TOMM40: variants seen among roughly 807,000 people sequenced by gnomAD.
TOMM40 encodes translocase of outer mitochondrial membrane 40.
A neutral mutation model predicts 38.4 loss-of-function variants in TOMM40; 9 were observed. That is an observed-to-expected ratio of 0.23 (90% CI 0.14 to 0.41). The LOEUF (loss-of-function observed/expected upper bound fraction) is 0.41. Ranked by LOEUF, TOMM40 falls within the 10% of genes least tolerant of loss-of-function variation. The pLI is 1.00. For missense variants in TOMM40, 299 were observed against 486.5 expected, an observed-to-expected ratio of 0.61 and a Z score of 3.63; for synonymous variants, 184 against 210.0, an observed-to-expected ratio of 0.88 and a Z score of 1.07.
intron 8 of TOMM40, 143 bp downstream of exon 8, chr19:44,901,453 G>A: frequency 6.8e-7 from 1 of 1,479,908 alleles, no homozygotes; most frequent in Non-Finnish European, 9.0e-7. Context: ...TTGTTAAAAG[G>A]TAGGTGGGGC....
intron 2 of TOMM40, 141 bp from the exon 3 acceptor site, chr19:44,892,696 G>A (rs889558546): frequency 2.5e-6 from 2 of 791,816 alleles, no homozygotes; most frequent in African/African-American, 1.7e-5. Flanking sequence ...CCTACCGGCA[G>A]CACCTCCTTT....
chr19:44,900,182 C>T (rs949158211), intron 5 of TOMM40, among the ~76,000 whole-genome samples: 6 of 152,278 alleles, frequency 3.9e-5, no homozygotes, highest in African/African-American at 1.2e-4. Flanking sequence ...GCAGCAAGTC[C>T]CAGCCACAGC....
intron 8 of TOMM40, 102 bp from the exon 9 acceptor site, chr19:44,902,928 T>G: frequency 6.8e-7 from 1 of 1,474,540 alleles, no homozygotes; most frequent in Non-Finnish European, 9.1e-7. Flanking sequence ...TGGTTAAAGG[T>G]CTGGAAGCTG....
rs917216309 is a variant in TOMM40 at position 44,891,325 on chromosome 19, G to C, written c.-91G>C. On this transcript the variant is annotated 5_prime_UTR_variant, in exon 1 of 9. Coordinates refer to ENST00000426677, the MANE Select transcript of TOMM40 (RefSeq NM_001128917.2). ...CAGGCGCCGCCGCCAGTGAGAACCG[G>C]GGCCGGAGCCGGGTGCGGATTTGCT... 4.9e-5 allele frequency: 59 copies of C among 1,212,806 alleles called. No individual in the cohort carries two copies. Among genetic ancestry groups the C allele is most frequent in the Non-Finnish European group, 5.9e-5 (58 of 975,276 alleles). The allele number at this position is 1,212,806 out of a possible 1,614,324, so 75.1% of individuals were successfully genotyped here. A position where few individuals can be genotyped will look rare whatever the true frequency, so the allele number is the denominator to read the frequency against.
rs1344222483 is a variant in TOMM40, at chr19:44,901,046, C to T, written c.785C>T (p.Thr262Met). Residue 262 changes from threonine to methionine, a missense_variant, in exon 7 of 9, where the codon ACG (threonine) becomes ATG (methionine). Transcript: ENST00000426677. ...GKYTLNNWLA[T>M]VTLGQAGMHA... is the part of the protein sequence containing the mutation. ...CTGACAGTGAACAACTGGTTGGCAACGGTAACGTTGGGCCAGGCGGGCATG... is the reference window on the plus strand; with the variant it reads ...CTGACAGTGAACAACTGGTTGGCAATGGTAACGTTGGGCCAGGCGGGCATG... 3.1e-6 allele frequency: 5 copies of T among 1,614,220 alleles called. No homozygotes were observed. The highest frequency in any genetic ancestry group is 2.2e-5 in the South Asian group (2 of 91,088).
chr19:44,897,819 C>A (rs533741753), intron 5 of TOMM40, among the ~76,000 whole-genome samples: 2 of 151,130 alleles, frequency 1.3e-5, no homozygotes, highest in Non-Finnish European at 2.9e-5. Flanking sequence ...ATGGGGGTCT[C>A]GCCATGTTGC....
Position 44,891,366 on chromosome 19 carries a change from G to A in TOMM40, c.-50G>A, listed in dbSNP as rs1453984653. 6.5e-6 allele frequency: 8 copies of A among 1,231,714 alleles called. 1 individual carries two copies. The South Asian group carries it at 1.5e-4, about 23-fold the overall frequency. 76.3% of individuals were successfully genotyped at this position (1,231,714 alleles called of 1,614,324 possible). ...CGGATTTGCTGGGGCTGAGTCGGGG[G>A]CGCGCGGGCCCTGACCTCTGCCCTC... On this transcript the variant is annotated 5_prime_UTR_variant, in exon 1 of 9. Coordinates refer to ENST00000426677, the MANE Select transcript of TOMM40 (RefSeq NM_001128917.2).
rs1969719274 is a variant in TOMM40, at chr19:44,903,288, G to A, written c.*119G>A. ...CCCTCCCCCCTTGGGGGTCGGGGGG[G>A]ACATTGGAAAGGAGGGACCCCGCCA... On this transcript the variant is annotated 3_prime_UTR_variant, in exon 9 of 9. Transcript: ENST00000426677. The A allele has an allele frequency of 6.0e-6, 7 of 1,168,340 alleles. No homozygotes were observed. Among genetic ancestry groups the A allele is most frequent in the African/African-American group, 4.7e-5 (3 of 63,734 alleles). 72.4% of individuals were successfully genotyped at this position (1,168,340 alleles called of 1,614,324 possible). A position where few individuals can be genotyped will look rare whatever the true frequency, so the allele number is the denominator to read the frequency against.
At chr19:44,897,211 C>T (rs1969582029) in intron 5 of TOMM40, among the ~76,000 whole-genome samples, 1 of 151,924 alleles carries the variant, frequency 6.6e-6, no homozygotes, top group Non-Finnish European at 1.5e-5. Flanking sequence ...AGAGAGGAGG[C>T]TGTGGGTAGA....
Position 44,891,343 on chromosome 19 carries a change from G to A in TOMM40, c.-73G>A. 3 of 1,220,846 alleles carry A rather than the reference G, an allele frequency of 2.5e-6. No homozygotes were observed. The highest frequency in any genetic ancestry group is 3.1e-6 in the Non-Finnish European group (3 of 979,664). 75.6% of individuals were successfully genotyped at this position (1,220,846 alleles called of 1,614,324 possible). A position where few individuals can be genotyped will look rare whatever the true frequency, so the allele number is the denominator to read the frequency against. ...AGAACCGGGGCCGGAGCCGGGTGCGGATTTGCTGGGGCTGAGTCGGGGGCG... is the reference window on the plus strand; with the variant it reads ...AGAACCGGGGCCGGAGCCGGGTGCGAATTTGCTGGGGCTGAGTCGGGGGCG... On this transcript the variant is annotated 5_prime_UTR_variant, in exon 1 of 9. Coordinates refer to ENST00000426677, the MANE Select transcript of TOMM40 (RefSeq NM_001128917.2).
intron 8 of TOMM40, chr19:44,902,764 C>A: frequency 2.7e-6 from 1 of 374,748 alleles, no homozygotes; most frequent in Non-Finnish European, 4.8e-6. Context: ...CAGATTCATC[C>A]GCAGAGTGGG....
At chr19:44,895,947 G>A (rs925835476) in intron 5 of TOMM40, among the ~76,000 whole-genome samples, 2 of 152,182 alleles carry the variant, frequency 1.3e-5, no homozygotes, top group African/African-American at 4.8e-5. Context: ...CTTCCCTCTG[G>A]TCTTGACATG....
Position 44,891,270 on chromosome 19 carries a change from A to T in TOMM40, c.-146A>T, listed in dbSNP as rs1454902990. ...CAGCGGGTTCGGTTGCGCGTGGCGC[A>T]CGGGGTGGGAGCGGAGCCCAGGCCG... On this transcript the variant is annotated 5_prime_UTR_variant, in exon 1 of 9. Coordinates refer to ENST00000426677, the MANE Select transcript of TOMM40 (RefSeq NM_001128917.2). 1 of 1,134,688 alleles carries T rather than the reference A, an allele frequency of 8.8e-7. No individual in the cohort carries two copies. The highest frequency in any genetic ancestry group is 1.1e-6 in the Non-Finnish European group (1 of 907,466). 70.3% of individuals were successfully genotyped at this position (1,134,688 alleles called of 1,614,324 possible). A position where few individuals can be genotyped will look rare whatever the true frequency, so the allele number is the denominator to read the frequency against.
chr19:44,897,007 G>A (rs987400566), intron 5 of TOMM40, among the ~76,000 whole-genome samples: 1 of 152,186 alleles, frequency 6.6e-6, no homozygotes, highest in Admixed American at 6.5e-5. Flanking sequence ...CCTGGGAAGG[G>A]GGAGTGGTTC....
rs1292629582 is a variant in TOMM40 at position 44,900,934 on chromosome 19, C to A, written c.766+82C>A. ...GGTCTGAGGGAGGACGGGCTAGGGC[C>A]CTGGACACTCAGGTCTGAGGGAGGA... On this transcript the variant is annotated intron_variant, in intron 6 of 8. Transcript: ENST00000426677. The A allele has an allele frequency of 1.9e-6, 3 of 1,610,030 alleles. No individual in the cohort carries two copies. The African/African-American group carries it at 4.0e-5, about 22-fold the overall frequency.
chr19:44,891,869 C>T (rs1014191283), intron 1 of TOMM40, among the ~76,000 whole-genome samples, 180 bp downstream of exon 1: 15 of 152,150 alleles, frequency 9.9e-5, no homozygotes, highest in Admixed American at 2.6e-4. Context: ...GAATCAAATG[C>T]TGGAAACGGG....
chr19:44,892,496 G>A (rs751282247), intron 2 of TOMM40, 36 bp downstream of exon 2: 23 of 1,585,706 alleles, frequency 1.5e-5, no homozygotes, highest in South Asian at 6.6e-5. Context: ...ACCAGAGATC[G>A]TCCCCGCCGT....
At chr19:44,897,516 A>G (rs1246476047) in intron 5 of TOMM40, among the ~76,000 whole-genome samples, 3 of 152,034 alleles carry the variant, frequency 2.0e-5, no homozygotes, top group South Asian at 4.1e-4. Flanking sequence ...GCAGTGGCAC[A>G]GTGTCAGCTC....
rs991691165 is a variant in TOMM40, at chr19:44,903,319, G to T, written c.*150G>T. The T allele has an allele frequency of 1.3e-6, 1 of 797,790 alleles. No individual in the cohort carries two copies. Among genetic ancestry groups the T allele is most frequent in the Non-Finnish European group, 1.9e-6 (1 of 528,744 alleles). 49.4% of individuals were successfully genotyped at this position (797,790 alleles called of 1,614,324 possible). ...GGAAAGGAGGGACCCCGCCACCCCAGCAGCTGAGGAGGGGATTCTGGAACT... is the reference window on the plus strand; with the variant it reads ...GGAAAGGAGGGACCCCGCCACCCCATCAGCTGAGGAGGGGATTCTGGAACT... On this transcript the variant is annotated 3_prime_UTR_variant, in exon 9 of 9. Transcript: ENST00000426677.
Sources: allele counts gnomAD v4.1 joint callset (sites outside exome capture counted in the v4.1 genomes callset), GRCh38; gene constraint gnomAD v4.1.1; transcripts MANE v1.5; gene names NCBI Gene and HGNC (gene_info 2026-07-23, HGNC 2026-07-21).